The following KIAA0753 variants were observed in gnomAD, a reference collection of about 807,000 sequenced individuals.
KIAA0753 encodes KIAA0753, also known as protein moonraker.
In KIAA0753, 114 loss-of-function variants were observed where a neutral mutation model predicts 116.9. The ratio of observed to expected loss-of-function variants is 0.98; its 90% CI spans 0.84 to 1.14. KIAA0753 has a LOEUF of 1.14. Among genes scored for constraint, KIAA0753 ranks in the 50% most tolerant of loss-of-function variants. The pLI is 0.00. For synonymous variants in KIAA0753, 405 were observed against 413.1 expected (o/e 0.98, Z 0.24); for missense variants, 1,156 against 1,172.4 (o/e 0.99, Z 0.20).
At chr17:6,579,950 A>T in intron 18 of KIAA0753, 86 bp from the exon 19 acceptor site, 1 of 895,680 alleles carries the variant, frequency 1.1e-6, no homozygotes, top group Non-Finnish European at 1.8e-6. Context: ...TGGGAGGCCA[A>T]GATGGACAGA....
Position 6,606,896 on chromosome 17 carries a change from T to G in KIAA0753, c.1986A>C (p.Glu662Asp). 6.2e-7 allele frequency: 1 copy of G among 1,613,992 alleles called. No individual in the cohort carries two copies. The highest frequency in any genetic ancestry group is 8.5e-7 in the Non-Finnish European group (1 of 1,179,864). Residue 662 changes from glutamate to aspartate, a missense_variant, in exon 12 of 19, where the codon GAA becomes GAC. Transcript: ENST00000361413. ...ACCTCAATTGTTGGAGTCTATACAT[T>G]TCTTCAGCTTTGAGCTCATTCAGTT... is the stretch of plus-strand genomic sequence containing the variant. ...TKELNELKAE[E>D]MYRLQQLSVS...
rs571308075 is a variant in KIAA0753, at chr17:6,596,475, CAG to C, written c.2173-134_2173-133del. 3.2e-4 allele frequency: 215 copies of C among 670,502 alleles called. No homozygotes were observed. In the African/African-American group the frequency reaches 3.6e-3, roughly 11 times the overall value. 41.5% of individuals were successfully genotyped at this position (670,502 alleles called of 1,614,324 possible). On this transcript the variant is annotated intron_variant, in intron 14 of 18. Transcript: ENST00000361413. ...ACCAACAGCATACAGATCCAAATGG[CAG>C]AGTTTCTATGGTAAAACAAGATTCT...
At chr17:6,633,979 C>T (rs919954099) in intron 2 of KIAA0753, among the ~76,000 whole-genome samples, 1 of 151,286 alleles carries the variant, frequency 6.6e-6, no homozygotes, top group African/African-American at 2.4e-5. Context: ...CATATGTATG[C>T]ATTTGTCAAA....
chr17:6,607,753 A>G (rs1018911633), intron 10 of KIAA0753, among the ~76,000 whole-genome samples: 1 of 152,218 alleles, frequency 6.6e-6, no homozygotes, highest in African/African-American at 2.4e-5. Context: ...TTGTTTTCCC[A>G]TAACTGTAAG....
chr17:6,603,397 A>T (rs1391212008), intron 12 of KIAA0753, among the ~76,000 whole-genome samples: 1 of 152,240 alleles, frequency 6.6e-6, no homozygotes, highest in African/African-American at 2.4e-5. Flanking sequence ...TGAATCTGAG[A>T]TACCCTGGGG....
rs1248739471 is a variant in KIAA0753 at position 6,610,085 on chromosome 17, A to G, written c.1621T>C (p.Ser541Pro). ...GGCTGCCGGTTCATTTTTAATCTGGATGAAACTGTTGTCTGCTGCACTCTG... is the reference window on the plus strand; with the variant it reads ...GGCTGCCGGTTCATTTTTAATCTGGGTGAAACTGTTGTCTGCTGCACTCTG... ...KSRVQQTTVSSRLKMNRQPVK... is the reference protein window; with the variant it reads ...KSRVQQTTVSPRLKMNRQPVK... The change falls in exon 9 of 19, where the codon TCC becomes CCC. Residue 541 changes from serine (S) to proline (P), a missense_variant. Physicochemically the swap from Ser to Pro is moderately conservative, Grantham distance 74 (BLOSUM62 -1). Transcript: ENST00000361413. 2.5e-6 allele frequency: 4 copies of G among 1,614,004 alleles called. No individual in the cohort carries two copies. The East Asian group carries it at 8.9e-5, about 36-fold the overall frequency.
At position 6,579,357 on chromosome 17, in the gene KIAA0753, C is replaced by T. The variant is rs766161529; in HGVS notation, c.*390G>A. On this transcript the variant is annotated 3_prime_UTR_variant, in exon 19 of 19. Transcript: ENST00000361413. ...AGCCGCACTTGTGTTGGTATCAATGCCAGCAAGGGTTCAACAGCAACCTGA... is the reference window on the plus strand; with the variant it reads ...AGCCGCACTTGTGTTGGTATCAATGTCAGCAAGGGTTCAACAGCAACCTGA... The T allele has an allele frequency of 1.3e-4, 22 of 167,372 alleles. No homozygotes were observed. The highest frequency in any genetic ancestry group is 2.2e-4 in the Non-Finnish European group (17 of 77,030). 10.4% of individuals were successfully genotyped at this position (167,372 alleles called of 1,614,324 possible). A position where few individuals can be genotyped will look rare whatever the true frequency, so the allele number is the denominator to read the frequency against.
chr17:6,633,450 G>A (rs1014314686), intron 2 of KIAA0753, among the ~76,000 whole-genome samples: 2 of 152,064 alleles, frequency 1.3e-5, no homozygotes. Flanking sequence ...AATGTAAAAC[G>A]GTACCACCAC....
chr17:6,615,614 CAAAAAAAAA>C (rs60310389), intron 7 of KIAA0753, among the ~76,000 whole-genome samples: 2 of 58,752 alleles, frequency 3.4e-5, no homozygotes, highest in African/African-American at 1.3e-4. Context: ...GACTCCGTCT[CAAAAAAAAA>C]AAAAAAAAAA....
intron 12 of KIAA0753, 64 bp downstream of exon 12, chr17:6,606,809 G>A (rs1308570885): frequency 1.5e-5 from 21 of 1,399,668 alleles, no homozygotes; most frequent in Non-Finnish European, 2.0e-5. Flanking sequence ...TTGGTTGCTA[G>A]AACTATCTAG....
rs1410419417 is a variant in KIAA0753, at chr17:6,579,732, C to T, written c.*15G>A. The T allele has an allele frequency of 1.1e-5, 18 of 1,576,148 alleles. No homozygotes were observed. Among genetic ancestry groups the T allele is most frequent in the Non-Finnish European group, 1.2e-5 (14 of 1,146,650 alleles). ...TTCTCCAGTGTGACACAAATGGCCT[C>T]GCCTCAGAGAGCCTTTATGTAGCAG... On this transcript the variant is annotated 3_prime_UTR_variant, in exon 19 of 19. Transcript: ENST00000361413.
intron 7 of KIAA0753, among the ~76,000 whole-genome samples, 153 bp downstream of exon 7, chr17:6,620,635 A>C (rs1378760888): frequency 6.6e-6 from 1 of 152,212 alleles, no homozygotes; most frequent in Non-Finnish European, 1.5e-5. Flanking sequence ...AGCCCCAGGA[A>C]ACATCTTGGT....
intron 4 of KIAA0753, chr17:6,623,855 G>A (rs573220277): frequency 1.3e-4 from 37 of 289,876 alleles, no homozygotes; most frequent in South Asian, 8.6e-4. Flanking sequence ...AAATGTAGGC[G>A]GGCCGGATCG....
At chr17:6,604,066 C>T (rs1266644885) in intron 12 of KIAA0753, among the ~76,000 whole-genome samples, 1 of 152,188 alleles carries the variant, frequency 6.6e-6, no homozygotes, top group East Asian at 1.9e-4. Flanking sequence ...CTCTGGAAAA[C>T]AGTATGGCAG....
At chr17:6,619,609 T>C (rs2150873720) in intron 7 of KIAA0753, among the ~76,000 whole-genome samples, 1 of 152,260 alleles carries the variant, frequency 6.6e-6, no homozygotes, top group African/African-American at 2.4e-5. Context: ...GCATTTTTTG[T>C]AGAGACAGAG....
intron 2 of KIAA0753, among the ~76,000 whole-genome samples, chr17:6,632,995 C>G (rs578056980): frequency 6.6e-6 from 1 of 152,096 alleles, no homozygotes; most frequent in Non-Finnish European, 1.5e-5. Context: ...GGACAACTAA[C>G]AAAATCTCAG....
chr17:6,604,740 T>C (rs759173605), intron 12 of KIAA0753, among the ~76,000 whole-genome samples: 6 of 151,896 alleles, frequency 4.0e-5, no homozygotes, highest in Non-Finnish European at 8.8e-5. Context: ...AATATCCTGG[T>C]TGTAGTACTG....
intron 3 of KIAA0753, among the ~76,000 whole-genome samples, chr17:6,626,737 G>A (rs115312658): frequency 0.021 from 3,146 of 152,258 alleles, 105 homozygotes; most frequent in African/African-American, 0.07. Flanking sequence ...GCAGTTTGCC[G>A]CTACTGTGAC....
At position 6,590,016 on chromosome 17, in the gene KIAA0753, A is replaced by G; in HGVS notation, c.2562-13T>C. ...TTCATCCAGGGAACTGAGAACAAAT[A>G]AAAATGATGAAAGCATTCAAGATCA... On this transcript the variant is annotated splice_polypyrimidine_tract_variant and intron_variant, in intron 17 of 18. Transcript: ENST00000361413. 6.6e-7 allele frequency: 1 copy of G among 1,515,724 alleles called. No homozygotes were observed. Among genetic ancestry groups the G allele is most frequent in the Non-Finnish European group, 8.9e-7 (1 of 1,128,926 alleles). The allele number at this position is 1,515,724 out of a possible 1,614,324, so 93.9% of individuals were successfully genotyped here.
Sources: gnomAD v4.1 joint callset for allele counts (sites outside exome capture counted in the v4.1 genomes callset) on GRCh38, gnomAD v4.1.1 for gene constraint, MANE v1.5 for transcripts, NCBI Gene and HGNC (gene_info 2026-07-23, HGNC 2026-07-21) for gene names.